The following SERPINE3 variants were observed in gnomAD, a reference collection of about 807,000 sequenced individuals.
The protein encoded by SERPINE3 is serpin family E member 3.
SERPINE3 carries 43 observed loss-of-function variants against 41.7 expected under a neutral mutation model. That is an observed-to-expected ratio of 1.03 (90% CI 0.81 to 1.33). The LOEUF is 1.33. Among genes scored for constraint, SERPINE3 ranks in the 40% most tolerant of loss-of-function variants. The pLI, the probability that SERPINE3 is intolerant of heterozygous loss-of-function variation, is 0.00. For missense variants in SERPINE3, 440 were observed against 491.7 expected, an observed-to-expected ratio of 0.89 and a Z score of 0.99; for synonymous variants, 200 against 192.2, an observed-to-expected ratio of 1.04 and a Z score of -0.34.
intron 4 of SERPINE3, among the ~76,000 whole-genome samples, chr13:51,344,693 T>C (rs1955329194): frequency 6.6e-6 from 1 of 151,566 alleles, no homozygotes; most frequent in Non-Finnish European, 1.5e-5. Flanking sequence ...CCCACACAAA[T>C]ATACACATGG....
intron 9 of SERPINE3, chr13:51,362,759 AT>A (rs1384753503): frequency 6.6e-6 from 1 of 152,474 alleles, no homozygotes; most frequent in Non-Finnish European, 1.5e-5. Flanking sequence ...TGTTAAGGAA[AT>A]ACTGTCAACA....
At chr13:51,342,929 T>G (rs1955308808) in intron 3 of SERPINE3, among the ~76,000 whole-genome samples, 1 of 152,182 alleles carries the variant, frequency 6.6e-6, no homozygotes. Context: ...GAGTCAGTCT[T>G]TTGCAATTGT....
chr13:51,361,750 A>G, intron 8 of SERPINE3, 60 bp from the exon 9 acceptor site: 1 of 1,422,158 alleles, frequency 7.0e-7, no homozygotes, highest in South Asian at 1.3e-5. Flanking sequence ...TTCATAACCA[A>G]TAGTTATTTT....
intron 9 of SERPINE3, 134 bp from the exon 10 acceptor site, chr13:51,364,105 G>A: frequency 2.3e-6 from 1 of 432,666 alleles, no homozygotes; most frequent in South Asian, 6.8e-5. Context: ...GTGACTACAG[G>A]CAATTACCTT....
chr13:51,358,812 C>T (rs1331625565), intron 7 of SERPINE3, among the ~76,000 whole-genome samples: 2 of 151,964 alleles, frequency 1.3e-5, no homozygotes, highest in African/African-American at 4.8e-5. Context: ...CACCCCTTTG[C>T]TTTGTATATA....
At chr13:51,342,348 T>C (rs1347372714) in intron 3 of SERPINE3, among the ~76,000 whole-genome samples, 1 of 152,066 alleles carries the variant, frequency 6.6e-6, no homozygotes, top group African/African-American at 2.4e-5. Flanking sequence ...CTGAGCACCT[T>C]TGTTAATCTG....
chr13:51,351,302 T>C (rs773377706), intron 6 of SERPINE3, among the ~76,000 whole-genome samples: 3 of 152,192 alleles, frequency 2.0e-5, no homozygotes, highest in Non-Finnish European at 2.9e-5. Flanking sequence ...CACATCCTTG[T>C]CAACACTTGT....
intron 7 of SERPINE3, among the ~76,000 whole-genome samples, chr13:51,358,805 C>G (rs903290405): frequency 2.6e-5 from 4 of 151,906 alleles, no homozygotes; most frequent in African/African-American, 9.7e-5. Context: ...AGAGTATCAC[C>G]CCTTTGCTTT....
chr13:51,356,081 A>C (rs1209741919), intron 7 of SERPINE3, among the ~76,000 whole-genome samples: 1 of 152,222 alleles, frequency 6.6e-6, no homozygotes, highest in African/African-American at 2.4e-5. Flanking sequence ...AGATGTGACC[A>C]GATTGACAGT....
intron 6 of SERPINE3, 39 bp from the exon 7 acceptor site, chr13:51,355,004 G>A: frequency 9.6e-7 from 1 of 1,037,468 alleles, no homozygotes; most frequent in Non-Finnish European, 1.5e-6. Flanking sequence ...TATATTGAGT[G>A]AGAATTTTGA....
chr13:51,344,545 C>T (rs1359242933), intron 4 of SERPINE3, 60 bp downstream of exon 4: 2 of 1,361,416 alleles, frequency 1.5e-6, no homozygotes, highest in East Asian at 2.5e-5. Flanking sequence ...GACAGAGTCT[C>T]ACCCATCACT....
intron 7 of SERPINE3, among the ~76,000 whole-genome samples, chr13:51,359,904 C>A (rs1051237583): frequency 2.7e-4 from 41 of 152,036 alleles, no homozygotes; most frequent in African/African-American, 8.0e-4. Flanking sequence ...AGACCAACTG[C>A]TAAAATAAAT....
In SERPINE3 at chr13:51,364,436, AAATGTTAT is replaced by A. The variant is rs1955645956; in HGVS notation, c.*157_*164del. 2.0e-6 allele frequency: 1 copy of A among 501,256 alleles called. No individual in the cohort carries two copies. The highest frequency in any genetic ancestry group is 2.0e-5 in the African/African-American group (1 of 50,438). The allele number at this position is 501,256 out of a possible 1,614,324, so 31.1% of individuals were successfully genotyped here. The stretch of plus-strand genomic sequence containing the variant: ...TAAACCTAAAAATACTTCAGTTTTT[AAATGTTAT>A]AAGTTTATTTTGCCTACTCTTAATC... On this transcript the variant is annotated 3_prime_UTR_variant, in exon 10 of 10. Transcript: ENST00000681248.
intron 6 of SERPINE3, among the ~76,000 whole-genome samples, chr13:51,353,062 T>G (rs1045890965): frequency 6.6e-6 from 1 of 152,202 alleles, no homozygotes; most frequent in African/African-American, 2.4e-5. Context: ...TTGTCTTTCT[T>G]GTAATATCCT....
chr13:51,362,294 C>G (rs1409548142), intron 9 of SERPINE3: 1 of 267,912 alleles, frequency 3.7e-6, no homozygotes, highest in South Asian at 6.3e-5. Flanking sequence ...CCAGAGTAGT[C>G]CTCTTGTGAT....
Position 51,361,322 on chromosome 13 carries a change from A to T in SERPINE3, c.1045A>T (p.Ile349Phe), listed in dbSNP as rs758190016. 3 of 1,610,494 alleles carry T rather than the reference A, an allele frequency of 1.9e-6. No individual in the cohort carries two copies. The South Asian group carries it at 3.3e-5, about 18-fold the overall frequency. ...TTCTGAAGCAATCCACAAGGCCAAG[A>T]TTGAAGTTTTGGAGGAAGGCACCAA... ...YVSEAIHKAK[I>F]EVLEEGTKAS... Residue 349 changes from isoleucine (I) to phenylalanine (F), a missense_variant, in exon 8 of 10, where the codon ATT becomes TTT. Physicochemically the swap from Ile to Phe is conservative, Grantham distance 21 (BLOSUM62 0). Coordinates refer to ENST00000681248, the MANE Select transcript of SERPINE3 (RefSeq NM_001386375.1).
At chr13:51,354,591 G>GAA (rs11318595) in intron 6 of SERPINE3, among the ~76,000 whole-genome samples, 4 of 129,990 alleles carry the variant, frequency 3.1e-5, no homozygotes, top group South Asian at 2.3e-4. Flanking sequence ...CCCCATCTCA[G>GAA]AAAAAAAAAA....
At chr13:51,340,909 G>T in intron 2 of SERPINE3, 48 bp downstream of exon 2, 1 of 631,424 alleles carries the variant, frequency 1.6e-6, no homozygotes, top group Non-Finnish European at 2.7e-6. Flanking sequence ...CTGCAGCCCA[G>T]ACGGCTGGGC....
At chr13:51,356,338 T>C (rs1955481192) in intron 7 of SERPINE3, among the ~76,000 whole-genome samples, 1 of 151,986 alleles carries the variant, frequency 6.6e-6, no homozygotes, top group Non-Finnish European at 1.5e-5. Flanking sequence ...AAAGGAGGAA[T>C]ACTGAAGTGA....
Sources: allele counts gnomAD v4.1 joint callset (sites outside exome capture counted in the v4.1 genomes callset), GRCh38; gene constraint gnomAD v4.1.1; transcripts MANE v1.5; gene names NCBI Gene and HGNC (gene_info 2026-07-23, HGNC 2026-07-21).